The following CAMTA2 variants were observed in gnomAD, a reference collection of about 807,000 sequenced individuals.
The protein encoded by CAMTA2 is calmodulin binding transcription activator 2, also known as calmodulin-binding transcription activator 2.
Under a neutral mutation model 135.7 loss-of-function variants are expected in CAMTA2, and 56 were observed. The ratio of observed to expected loss-of-function variants is 0.41; its 90% CI spans 0.33 to 0.52. The LOEUF (loss-of-function observed/expected upper bound fraction) is 0.52, where lower values mean the gene tolerates loss of function less well. CAMTA2 is among the 20% of genes least tolerant of loss of function. The pLI is 0.16. For synonymous variants in CAMTA2, 591 were observed against 604.6 expected (o/e 0.98, Z 0.33); for missense variants, 1,358 against 1,553.4 (o/e 0.87, Z 2.11).
chr17:4,969,426 ACT>A lies in CAMTA2; in HGVS notation c.3282+72_3282+73del, dbSNP rs567110909. 482 of 1,607,156 alleles carry A rather than the reference ACT, an allele frequency of 3.0e-4. 6 individuals are homozygous for A. The East Asian group carries it at 0.01, about 35-fold the overall frequency. ...CTCACCCAAGTTAGGCTGATGCAAGACTCTCTGTAACCCACACACTCAAGGAA... is the reference window on the plus strand; with the variant it reads ...CTCACCCAAGTTAGGCTGATGCAAGACTCTGTAACCCACACACTCAAGGAA... On this transcript the variant is annotated intron_variant, in intron 20 of 22. Coordinates refer to ENST00000348066, the MANE Select transcript of CAMTA2 (RefSeq NM_015099.4). The surrounding 1 kb of genome is among the most constrained non-coding windows in gnomAD (Gnocchi z 5.6).
chr17:4,982,350 G>A, intron 5 of CAMTA2, 190 bp from the exon 6 acceptor site: 2 of 612,988 alleles, frequency 3.3e-6, no homozygotes, highest in East Asian at 2.8e-5. Flanking sequence ...CAGTGGGGCT[G>A]GGGCCTTATA....
chr17:4,980,993 T>C lies in CAMTA2; in HGVS notation c.700+232A>G, dbSNP rs1198524474. ...GTGGTGCTGAGGGGACAGGAATTGC[T>C]GAAGGTAGAAGACAGGAAGGGCAGA... On this transcript the variant is annotated intron_variant, in intron 8 of 22. Coordinates refer to ENST00000348066, the MANE Select transcript of CAMTA2 (RefSeq NM_015099.4). This position sits in a 1 kb window ranked among gnomAD's most constrained non-coding sequence, Gnocchi z 5.3. Among the ~76,000 whole-genome samples, 3 of 152,128 alleles carry C rather than the reference T, an allele frequency of 2.0e-5. No homozygotes were observed. The highest frequency in any genetic ancestry group is 6.5e-5 in the Admixed American group (1 of 15,280).
rs1030137049 is a variant in CAMTA2 at position 4,986,704 on chromosome 17, G to C, written c.-64-418C>G. On this transcript the variant is annotated intron_variant, in intron 1 of 22. Transcript: ENST00000348066. ...GGGCAGGGCAGGAGATTCTACCTCC[G>C]GTAGAAGCTAGGCCTTTAGAAGACA... The C allele has an allele frequency of 7.3e-6, 4 of 548,236 alleles. No individual in the cohort carries two copies. The Admixed American group carries it at 1.1e-4, about 15-fold the overall frequency. The allele number at this position is 548,236 out of a possible 1,614,324, so 34.0% of individuals were successfully genotyped here.
In CAMTA2 at chr17:4,968,611, G is replaced by GGGGAGGA; in HGVS notation, c.*138_*144dup. On this transcript the variant is annotated 3_prime_UTR_variant, in exon 23 of 23. Coordinates refer to ENST00000348066, the MANE Select transcript of CAMTA2 (RefSeq NM_015099.4). ...GGAGAGGGGTGTGGGAGCAAGGCGT[G>GGGGAGGA]GGGAGGAGGGAGGAGGCCTACAGAG... The GGGGAGGA allele has an allele frequency of 1.2e-6, 1 of 805,898 alleles. No individual in the cohort carries two copies. Among genetic ancestry groups the GGGGAGGA allele is most frequent in the Non-Finnish European group, 2.0e-6 (1 of 489,724 alleles). 49.9% of individuals were successfully genotyped at this position (805,898 alleles called of 1,614,324 possible).
chr17:4,969,639 C>G lies in CAMTA2; in HGVS notation c.3252G>C (p.Lys1084Asn). 1 of 1,614,146 alleles carries G rather than the reference C, an allele frequency of 6.2e-7. No individual in the cohort carries two copies. The change falls in exon 19 of 23, where the codon AAG (lysine) becomes AAC (asparagine). Residue 1084 changes from lysine (K) to asparagine (N), a missense_variant. Transcript: ENST00000348066. The surrounding 1 kb of genome is among the most constrained non-coding windows in gnomAD (Gnocchi z 5.6). ...GGGAGAAGGGTCTCACCTGCTTGTA[C>G]TTCCGGTAACAGCGCTGGATTACAG... ...AAAVIQRCYR[K>N]YKQLTWIALK...
chr17:4,974,874 AC>A (rs984869061), intron 11 of CAMTA2, among the ~76,000 whole-genome samples: 2 of 152,078 alleles, frequency 1.3e-5, no homozygotes, highest in Non-Finnish European at 2.9e-5. Flanking sequence ...AGCAGACACT[AC>A]CTTTGTCCCC....
Position 4,986,135 on chromosome 17 carries a change from A to T in CAMTA2, c.31+57T>A, listed in dbSNP as rs1973265178. ...AAATCCAAGAATTAGAGGGCCACTA[A>T]AGCGTGGGGAGAACGAAAGGCTGTG... is the stretch of plus-strand genomic sequence containing the variant. On this transcript the variant is annotated intron_variant, in intron 2 of 22. Transcript: ENST00000348066. 1.2e-5 allele frequency: 14 copies of T among 1,166,006 alleles called. No individual in the cohort carries two copies. The South Asian group carries it at 1.7e-4, about 14-fold the overall frequency. The allele number at this position is 1,166,006 out of a possible 1,614,324, so 72.2% of individuals were successfully genotyped here.
Position 4,969,057 on chromosome 17 carries a change from G to C in CAMTA2, c.3471-76C>G, listed in dbSNP as rs548788569. ...GGCCCCCCCAGGAACCCTAGGCAGG[G>C]AATGGCAGTGAGGCATGATGATCAA... is the stretch of plus-strand genomic sequence containing the variant. On this transcript the variant is annotated intron_variant, in intron 21 of 22. Transcript: ENST00000348066. This position sits in a 1 kb window ranked among gnomAD's most constrained non-coding sequence, Gnocchi z 5.6. The C allele has an allele frequency of 2.7e-5, 43 of 1,582,592 alleles. No individual in the cohort carries two copies. The South Asian group carries it at 4.2e-4, about 16-fold the overall frequency.
At chr17:4,983,225 CA>C in intron 3 of CAMTA2, 182 bp from the exon 4 acceptor site, 1 of 587,124 alleles carries the variant, frequency 1.7e-6, no homozygotes, top group South Asian at 2.2e-5. Flanking sequence ...TGTCCTAAGA[CA>C]AAAGTCTAAC....
chr17:4,979,699 C>T lies in CAMTA2; in HGVS notation c.1623G>A (p.Glu541=). The change falls in exon 9 of 23, where the codon GAG becomes GAA. Residue 541 remains glutamate, a synonymous_variant. Transcript: ENST00000348066. ...TGAGTCTCACCTCTGGGTAGGACCA[C>T]TCTGGGGAGAAGTCTGTGATGGTGC... is the stretch of plus-strand genomic sequence containing the variant. The part of the protein sequence containing the change: ...ALSTITDFSP[E]WSYPEGGVKV... The T allele has an allele frequency of 6.2e-7, 1 of 1,613,264 alleles. No homozygotes were observed. The highest frequency in any genetic ancestry group is 8.5e-7 in the Non-Finnish European group (1 of 1,179,518).
At chr17:4,974,755 G>A (rs1042743755) in intron 11 of CAMTA2, 4 of 386,778 alleles carry the variant, frequency 1.0e-5, no homozygotes, top group African/African-American at 2.1e-5. Flanking sequence ...AAGGTACAGA[G>A]GTAGTAGGAT....
chr17:4,968,639 C>A lies in CAMTA2; in HGVS notation c.*117G>T. ...GAGGAGGGAGGAGGCCTACAGAGGG[C>A]TCCAACAAAGGTGAACAGGAAAGCT... On this transcript the variant is annotated 3_prime_UTR_variant, in exon 23 of 23. Transcript: ENST00000348066. 1.7e-6 allele frequency: 2 copies of A among 1,153,760 alleles called. No individual in the cohort carries two copies. Among genetic ancestry groups the A allele is most frequent in the East Asian group, 2.5e-5 (1 of 40,796 alleles). The allele number at this position is 1,153,760 out of a possible 1,614,324, so 71.5% of individuals were successfully genotyped here.
chr17:4,981,362 A>G lies in CAMTA2; in HGVS notation c.566-3T>C. 6.2e-7 allele frequency: 1 copy of G among 1,613,854 alleles called. No homozygotes were observed. The highest frequency in any genetic ancestry group is 2.2e-5 in the East Asian group (1 of 44,876). On this transcript the variant is annotated splice_polypyrimidine_tract_variant and splice_region_variant and intron_variant, in intron 7 of 22. Transcript: ENST00000348066. ...GCAGCTCCACTTGATGCCATGAACT[A>G]GAGAAGTTAGGGGGAAGTGCTGTGG...
intron 10 of CAMTA2, among the ~76,000 whole-genome samples, chr17:4,978,188 C>A (rs1490246018): frequency 1.3e-5 from 2 of 152,212 alleles, no homozygotes; most frequent in Non-Finnish European, 2.9e-5. Context: ...CCTGGACAGA[C>A]ATTAGAAATC....
rs1271276084 is a variant in CAMTA2 at position 4,969,061 on chromosome 17, G to C, written c.3471-80C>G. ...CCCCCAGGAACCCTAGGCAGGGAAT[G>C]GCAGTGAGGCATGATGATCAAGAGG... is the stretch of plus-strand genomic sequence containing the variant. On this transcript the variant is annotated intron_variant, in intron 21 of 22. Transcript: ENST00000348066. The surrounding 1 kb of genome is among the most constrained non-coding windows in gnomAD (Gnocchi z 5.6). 6.3e-7 allele frequency: 1 copy of C among 1,579,336 alleles called. No individual in the cohort carries two copies. Among genetic ancestry groups the C allele is most frequent in the African/African-American group, 1.4e-5 (1 of 73,788 alleles).
In CAMTA2 at chr17:4,973,195, G is replaced by T; in HGVS notation, c.2260C>A (p.His754Asn). 6.2e-7 allele frequency: 1 copy of T among 1,613,692 alleles called. No individual in the cohort carries two copies. The highest frequency in any genetic ancestry group is 8.5e-7 in the Non-Finnish European group (1 of 1,179,858). Residue 754 changes from histidine (H) to asparagine (N), a missense_variant, in exon 14 of 23, where the codon CAT becomes AAT. His to Asn is a moderately conservative substitution (Grantham distance 68, BLOSUM62 1). Transcript: ENST00000348066. ...EQEVDPLNVD[H>N]FSCTPLMWAC... ...CTCACCAGAGGGGTGCAAGAGAAAT[G>T]ATCCACGTTGAGCGGGTCAACCTCC... is the stretch of plus-strand genomic sequence containing the variant.
In CAMTA2 at chr17:4,972,325, C is replaced by A. The variant is rs200654310; in HGVS notation, c.2715G>T (p.Gly905=). The change falls in exon 16 of 23, where the codon GGG becomes GGT. Residue 905 remains glycine (G), a synonymous_variant. Transcript: ENST00000348066. ...GGAGGGCAGGAAGGGAGGAGAGGGGCCCCTTGGAGTTGGTAGCCTCATAGT... is the reference window on the plus strand; with the variant it reads ...GGAGGGCAGGAAGGGAGGAGAGGGGACCCTTGGAGTTGGTAGCCTCATAGT... ...LMDYEATNSK[G]PLSSLPALPP... is the part of the protein sequence containing the mutation. The A allele has an allele frequency of 6.8e-6, 11 of 1,613,622 alleles. No individual in the cohort carries two copies. The East Asian group carries it at 2.2e-4, about 33-fold the overall frequency.
Position 4,979,746 on chromosome 17 carries a change from G to A in CAMTA2, c.1576C>T (p.Pro526Ser), listed in dbSNP as rs371899702. ...DEAPSIPAPT[P>S]QLSPALSTIT... ...GTGCTAAGAGCAGGAGACAGCTGGG[G>A]GGTCGGAGCAGGGATGCTTGGAGCT... The change falls in exon 9 of 23, where the codon CCC (proline) becomes TCC (serine). Residue 526 changes from proline (P) to serine (S), a missense_variant. Physicochemically the swap from Pro to Ser is moderately conservative, Grantham distance 74. Coordinates refer to ENST00000348066, the MANE Select transcript of CAMTA2 (RefSeq NM_015099.4). 1 of 1,614,136 alleles carries A rather than the reference G, an allele frequency of 6.2e-7. No homozygotes were observed. The highest frequency in any genetic ancestry group is 1.1e-5 in the South Asian group (1 of 91,086).
chr17:4,969,263 C>G lies in CAMTA2; in HGVS notation c.3357G>C (p.Lys1119Asn), dbSNP rs780317624. 1 of 1,614,072 alleles carries G rather than the reference C, an allele frequency of 6.2e-7. No individual in the cohort carries two copies. The highest frequency in any genetic ancestry group is 8.5e-7 in the Non-Finnish European group (1 of 1,180,034). Reference protein sequence around the residue: ...QSKFRSYYEQKRFQQSRRAAV... With the variant: ...QSKFRSYYEQNRFQQSRRAAV... ...CCGCTCGGCGGCTCTGCTGAAATCGCTTCTGTTCATAGTAGCTTCGGAACT... is the reference window on the plus strand; with the variant it reads ...CCGCTCGGCGGCTCTGCTGAAATCGGTTCTGTTCATAGTAGCTTCGGAACT... Residue 1119 changes from lysine to asparagine, a missense_variant, in exon 21 of 23, where the codon AAG becomes AAC. Lys to Asn is a moderately conservative substitution (Grantham distance 94). Coordinates refer to ENST00000348066, the MANE Select transcript of CAMTA2 (RefSeq NM_015099.4). The surrounding 1 kb of genome is among the most constrained non-coding windows in gnomAD (Gnocchi z 5.6).
Sources: gnomAD v4.1 joint callset for allele counts (sites outside exome capture counted in the v4.1 genomes callset) on GRCh38, gnomAD v4.1.1 for gene constraint, Gnocchi (gnomAD v3.1) non-coding constraint, MANE v1.5 for transcripts, NCBI Gene and HGNC (gene_info 2026-07-23, HGNC 2026-07-21) for gene names.